The following ATP23 variants were observed in gnomAD, a reference collection of about 807,000 sequenced individuals.
ATP23 encodes mitochondrial inner membrane protease ATP23 homolog.
A neutral mutation model predicts 28.5 loss-of-function variants in ATP23; 24 were observed. The ratio of observed to expected loss-of-function variants is 0.84; its 90% confidence interval spans 0.61 to 1.18. ATP23 has a LOEUF of 1.18. Ranked by LOEUF, ATP23 falls within the 50% of genes most tolerant of loss-of-function variation. ATP23 has a pLI of 0.00. For synonymous variants in ATP23, 99 were observed against 108.6 expected, an observed-to-expected ratio of 0.91 and a Z score of 0.55; for missense variants, 274 against 306.4, an observed-to-expected ratio of 0.89 and a Z score of 0.79.
In ATP23 at chr12:57,957,064, G is replaced by A. The variant is rs190127397; in HGVS notation, c.*174G>A. On this transcript the variant is annotated 3_prime_UTR_variant, in exon 6 of 6. Coordinates refer to ENST00000300145, the MANE Select transcript of ATP23 (RefSeq NM_033276.4). ...AGTAACTATGGCAAAAAATGAAACT[G>A]CTTTAAACTCCAAGGCAGAAATTGT... 34 of 473,276 alleles carry A rather than the reference G, an allele frequency of 7.2e-5. No individual in the cohort carries two copies. In the East Asian group the frequency reaches 1.2e-3, roughly 16 times the overall value. 29.3% of individuals were successfully genotyped at this position (473,276 alleles called of 1,614,324 possible). A position where few individuals can be genotyped will look rare whatever the true frequency, so the allele number is the denominator to read the frequency against.
Position 57,947,054 on chromosome 12 carries a change from G to A in ATP23, c.293G>A (p.Gly98Asp). 1 of 1,614,030 alleles carries A rather than the reference G, an allele frequency of 6.2e-7. No homozygotes were observed. Among genetic ancestry groups the A allele is most frequent in the Non-Finnish European group, 8.5e-7 (1 of 1,179,976 alleles). ...CEDCNGNVSG[G>D]FDASTSQIVL... ...GACTGTAATGGAAATGTCAGTGGAG[G>A]TTTTGATGCTTCAACATCTCAGGTA... is the stretch of plus-strand genomic sequence containing the variant. Residue 98 changes from glycine to aspartate, a missense_variant, in exon 3 of 6, where the codon GGT becomes GAT. Physicochemically the swap from Gly to Asp is moderately conservative, Grantham distance 94 (BLOSUM62 -1). Coordinates refer to ENST00000300145, the MANE Select transcript of ATP23 (RefSeq NM_033276.4).
chr12:57,945,701 C>G, intron 2 of ATP23, 28 bp downstream of exon 2: 1 of 1,611,212 alleles, frequency 6.2e-7, no homozygotes, highest in Middle Eastern at 1.7e-4. Context: ...AAGTGCTGCT[C>G]TGAGGTCTGG....
Position 57,956,919 on chromosome 12 carries a change from T to C in ATP23, c.*29T>C, listed in dbSNP as rs750126153. ...CAATGACATTTTTATATTACAGAGC[T>C]TCCATCATCATGAAGAAAAAAAAAT... On this transcript the variant is annotated 3_prime_UTR_variant, in exon 6 of 6. Coordinates refer to ENST00000300145, the MANE Select transcript of ATP23 (RefSeq NM_033276.4). The C allele has an allele frequency of 5.2e-6, 8 of 1,550,570 alleles. No homozygotes were observed. The highest frequency in any genetic ancestry group is 2.8e-5 in the African/African-American group (2 of 71,720).
At chr12:57,952,566 T>C (rs1956825942) in intron 4 of ATP23, among the ~76,000 whole-genome samples, 1 of 152,250 alleles carries the variant, frequency 6.6e-6, no homozygotes, top group African/African-American at 2.4e-5. Flanking sequence ...CATATGCATA[T>C]ACTTGGATGT....
At chr12:57,944,328 G>C (rs1956738931) in intron 1 of ATP23, among the ~76,000 whole-genome samples, 1 of 151,780 alleles carries the variant, frequency 6.6e-6, no homozygotes, top group Non-Finnish European at 1.5e-5. Flanking sequence ...TTAAACCTTA[G>C]TTTCTTTTTC....
intron 3 of ATP23, among the ~76,000 whole-genome samples, chr12:57,948,180 C>A (rs535447140): frequency 2.6e-5 from 4 of 152,194 alleles, no homozygotes; most frequent in Admixed American, 2.0e-4. Context: ...CCTTCTCGGT[C>A]CCCCCAGGGT....
At position 57,954,485 on chromosome 12, in the gene ATP23, C is replaced by T. The variant is rs117104301; in HGVS notation, c.537+796C>T. On this transcript the variant is annotated intron_variant, in intron 5 of 5. Coordinates refer to ENST00000300145, the MANE Select transcript of ATP23 (RefSeq NM_033276.4). The stretch of plus-strand genomic sequence containing the variant: ...ACAGACTTGAGTATGATGAGCTTAG[C>T]TGAGAGGGATTTGTGTGAACAAAAC... 7.2e-5 allele frequency among the ~76,000 whole-genome samples: 11 copies of T among 152,170 alleles called. No individual in the cohort carries two copies. In the East Asian group the frequency reaches 2.1e-3, roughly 29 times the overall value.
Position 57,957,691 on chromosome 12 carries a change from C to T in ATP23, c.*801C>T, listed in dbSNP as rs559330267. Among the ~76,000 whole-genome samples the T allele has an allele frequency of 3.9e-5, 6 of 152,020 alleles. No individual in the cohort carries two copies. Among genetic ancestry groups the T allele is most frequent in the Admixed American group, 6.6e-5 (1 of 15,258 alleles). Reference sequence around the variant, plus strand: ...CTGGAGCTGAGTTAATTTAGAGAGCCGAGCGAAATACAGGGGTAGAGCAAG... The same window carrying T: ...CTGGAGCTGAGTTAATTTAGAGAGCTGAGCGAAATACAGGGGTAGAGCAAG... On this transcript the variant is annotated 3_prime_UTR_variant, in exon 6 of 6. Transcript: ENST00000300145.
At position 57,941,587 on chromosome 12, in the gene ATP23, C is replaced by G; in HGVS notation, c.-115C>G. 2 of 1,402,460 alleles carry G rather than the reference C, an allele frequency of 1.4e-6. No homozygotes were observed. The highest frequency in any genetic ancestry group is 5.0e-5 in the East Asian group (2 of 40,198). 86.9% of individuals were successfully genotyped at this position (1,402,460 alleles called of 1,614,324 possible). A position where few individuals can be genotyped will look rare whatever the true frequency, so the allele number is the denominator to read the frequency against. The stretch of plus-strand genomic sequence containing the variant: ...TCTTCAGCCCAGCCAGGCTGCCCTT[C>G]TTCCCTGCGGAGGGAGGGCCTGGGC... On this transcript the variant is annotated 5_prime_UTR_variant, in exon 1 of 6. Transcript: ENST00000300145.
At chr12:57,946,538 A>G (rs1956762912) in intron 2 of ATP23, among the ~76,000 whole-genome samples, 1 of 146,310 alleles carries the variant, frequency 6.8e-6, no homozygotes, top group Admixed American at 7.0e-5. Flanking sequence ...GCTCACCGCA[A>G]CCTCCGCCTC....
chr12:57,951,135 T>C (rs901887019), intron 3 of ATP23, among the ~76,000 whole-genome samples: 7 of 152,260 alleles, frequency 4.6e-5, no homozygotes, highest in African/African-American at 1.7e-4. Flanking sequence ...CACTTCTTTC[T>C]GAAGGTCTTT....
intron 3 of ATP23, among the ~76,000 whole-genome samples, chr12:57,948,023 G>A (rs967342787): frequency 6.6e-6 from 1 of 152,116 alleles, no homozygotes; most frequent in African/African-American, 2.4e-5. Flanking sequence ...CTAGATTTTG[G>A]AGTCAGACTT....
In ATP23 at chr12:57,957,052, A is replaced by G. The variant is rs1167823228; in HGVS notation, c.*162A>G. ...ATTATCAGAAAAAGTAACTATGGCA[A>G]AAAATGAAACTGCTTTAAACTCCAA... On this transcript the variant is annotated 3_prime_UTR_variant, in exon 6 of 6. Transcript: ENST00000300145. 1 of 527,162 alleles carries G rather than the reference A, an allele frequency of 1.9e-6. No homozygotes were observed. Among genetic ancestry groups the G allele is most frequent in the Non-Finnish European group, 3.0e-6 (1 of 330,464 alleles). 32.7% of individuals were successfully genotyped at this position (527,162 alleles called of 1,614,324 possible).
At chr12:57,944,923 T>C (rs1956745340) in intron 1 of ATP23, among the ~76,000 whole-genome samples, 1 of 152,194 alleles carries the variant, frequency 6.6e-6, no homozygotes, top group African/African-American at 2.4e-5. Flanking sequence ...GTACTCAGCA[T>C]GGGACATGGT....
intron 5 of ATP23, among the ~76,000 whole-genome samples, chr12:57,954,194 C>CAAA (rs11357155): frequency 0.1 from 7,489 of 71,358 alleles, 578 homozygotes; most frequent in African/African-American, 0.22. Context: ...GACTCCATCT[C>CAAA]AAAAAAAAAA....
At chr12:57,955,280 G>GTTTTT (rs71087605) in intron 5 of ATP23, among the ~76,000 whole-genome samples, 29 of 142,154 alleles carry the variant, frequency 2.0e-4, no homozygotes, top group African/African-American at 7.4e-4. Context: ...AATAGAGCAT[G>GTTTTT]TTTTTTTTTT....
At position 57,957,024 on chromosome 12, in the gene ATP23, C is replaced by A; in HGVS notation, c.*134C>A. On this transcript the variant is annotated 3_prime_UTR_variant, in exon 6 of 6. Coordinates refer to ENST00000300145, the MANE Select transcript of ATP23 (RefSeq NM_033276.4). The stretch of plus-strand genomic sequence containing the variant: ...AAAACAGAGAAGACTGTGATTCTAG[C>A]ATATTATCAGAAAAAGTAACTATGG... The A allele has an allele frequency of 1.5e-6, 1 of 680,338 alleles. No individual in the cohort carries two copies. Among genetic ancestry groups the A allele is most frequent in the Non-Finnish European group, 2.1e-6 (1 of 467,600 alleles). 42.1% of individuals were successfully genotyped at this position (680,338 alleles called of 1,614,324 possible).
At chr12:57,945,452 G>T (rs374748446) in intron 1 of ATP23, among the ~76,000 whole-genome samples, 176 bp from the exon 2 acceptor site, 7 of 152,054 alleles carry the variant, frequency 4.6e-5, no homozygotes, top group African/African-American at 1.7e-4. Flanking sequence ...GGCTGGGCTT[G>T]AACTCCTGGC....
At position 57,956,739 on chromosome 12, in the gene ATP23, G is replaced by A; in HGVS notation, c.590G>A (p.Ser197Asn). 1.9e-6 allele frequency: 3 copies of A among 1,613,986 alleles called. No homozygotes were observed. Among genetic ancestry groups the A allele is most frequent in the South Asian group, 1.1e-5 (1 of 91,078 alleles). The change falls in exon 6 of 6, where the codon AGC becomes AAC. Residue 197 changes from serine to asparagine, a missense_variant. Coordinates refer to ENST00000300145, the MANE Select transcript of ATP23 (RefSeq NM_033276.4). ...TLSILAVRNI[S>N]KEVAKKAVDE... Reference sequence around the variant, plus strand: ...TCTATCCTGGCTGTTAGGAATATCAGCAAAGAAGTAGCTAAAAAGGCTGTT... The same window carrying A: ...TCTATCCTGGCTGTTAGGAATATCAACAAAGAAGTAGCTAAAAAGGCTGTT...
Sources: gnomAD v4.1 joint callset for allele counts (sites outside exome capture counted in the v4.1 genomes callset) on GRCh38, gnomAD v4.1.1 for gene constraint, MANE v1.5 for transcripts, NCBI Gene and HGNC (gene_info 2026-07-23, HGNC 2026-07-21) for gene names.